The following SYT1 variants were observed in gnomAD, a reference collection of about 807,000 sequenced individuals.
SYT1 encodes synaptotagmin-1.
Under a neutral mutation model 44.8 loss-of-function variants are expected in SYT1, and 8 were observed. The observed-to-expected ratio is 0.18, with a 90% CI of 0.10 to 0.32. The LOEUF is 0.32. Among genes scored for constraint, SYT1 ranks in the 10% least tolerant of loss-of-function variants. The pLI, the probability that SYT1 is intolerant of heterozygous loss-of-function variation, is 1.00. For missense variants in SYT1, 286 were observed against 509.3 expected (o/e 0.56, Z 4.22); for synonymous variants, 154 against 188.8 (o/e 0.82, Z 1.51).
chr12:79,136,020 A>G (rs1869167655), intron 3 of SYT1, among the ~76,000 whole-genome samples: 1 of 152,212 alleles, frequency 6.6e-6, no homozygotes, highest in Non-Finnish European at 1.5e-5. Flanking sequence ...ACATTGCCTA[A>G]AAATTTCTTG....
chr12:78,969,538 C>T (rs1283076369), intron 1 of SYT1, among the ~76,000 whole-genome samples: 1 of 152,088 alleles, frequency 6.6e-6, no homozygotes, highest in Admixed American at 6.6e-5. Flanking sequence ...ATAAGGCCAG[C>T]AGAGCCATTA....
rs1220628050 is a variant in SYT1, at chr12:79,115,222, C to T, written c.-18+67860C>T. 2.6e-5 allele frequency among the ~76,000 whole-genome samples: 4 copies of T among 152,252 alleles called. No individual in the cohort carries two copies. In the East Asian group the frequency reaches 7.7e-4, roughly 29 times the overall value. On this transcript the variant is annotated intron_variant, in intron 3 of 10. Coordinates refer to ENST00000261205, the MANE Select transcript of SYT1 (RefSeq NM_005639.3). ...TCAGAAAGGAGTTTCAAAAACATGT[C>T]TAGTCCATTTTTATTACCTCTGGGC...
intron 2 of SYT1, among the ~76,000 whole-genome samples, chr12:78,986,673 A>G (rs991399711): frequency 1.3e-5 from 2 of 152,026 alleles, no homozygotes; most frequent in Non-Finnish European, 2.9e-5. Flanking sequence ...CATGTCCTGA[A>G]ACTACATATT....
intron 1 of SYT1, among the ~76,000 whole-genome samples, chr12:78,921,973 A>C (rs1877032128): frequency 7.0e-6 from 1 of 142,382 alleles, no homozygotes; most frequent in East Asian, 2.3e-4. Context: ...TATATGCTTA[A>C]ATCAAATACC....
rs190378717 is a variant in SYT1, at chr12:79,274,339, C to T, written c.167-11448C>T. ...TCTGAGCATGAACTGCCTGAGATTCCGCTGGCAGTTACAGCTTTCTTCTGC... is the reference window on the plus strand; with the variant it reads ...TCTGAGCATGAACTGCCTGAGATTCTGCTGGCAGTTACAGCTTTCTTCTGC... On this transcript the variant is annotated intron_variant, in intron 4 of 10. Transcript: ENST00000261205. Among the ~76,000 whole-genome samples, 453 of 152,250 alleles carry T rather than the reference C, an allele frequency of 3.0e-3. 3 individuals carry two copies. Among genetic ancestry groups the T allele is most frequent in the African/African-American group, 0.01 (425 of 41,554 alleles).
At chr12:79,356,519 C>A (rs1883119290) in intron 9 of SYT1, among the ~76,000 whole-genome samples, 1 of 152,132 alleles carries the variant, frequency 6.6e-6, no homozygotes, top group South Asian at 2.1e-4. Flanking sequence ...ATTAAAATAA[C>A]TTTAAGCACT....
At chr12:78,991,052 A>G (rs1467103939) in intron 2 of SYT1, among the ~76,000 whole-genome samples, 1 of 152,206 alleles carries the variant, frequency 6.6e-6, no homozygotes, top group African/African-American at 2.4e-5. Flanking sequence ...TTTTACTTCA[A>G]AACAACAGCA....
At chr12:79,240,232 T>G (rs1876422752) in intron 4 of SYT1, among the ~76,000 whole-genome samples, 1 of 152,198 alleles carries the variant, frequency 6.6e-6, no homozygotes, top group African/African-American at 2.4e-5. Context: ...AATTGTTACT[T>G]TATGAAAAGG....
Position 79,023,381 on chromosome 12 carries a change from C to A in SYT1, c.-83-23916C>A, listed in dbSNP as rs188258169. ...GGCTTTAGAGAGACCATCTGGAGAT[C>A]CTCATCTGTAACACATGACATTTCT... On this transcript the variant is annotated intron_variant, in intron 2 of 10. Coordinates refer to ENST00000261205, the MANE Select transcript of SYT1 (RefSeq NM_005639.3). Among the ~76,000 whole-genome samples, 528 of 151,876 alleles carry A rather than the reference C, an allele frequency of 3.5e-3. 1 individual carries two copies. The highest frequency in any genetic ancestry group is 8.2e-3 in the Admixed American group (124 of 15,210).
chr12:78,950,582 T>TGTG (rs1216253557), intron 1 of SYT1, among the ~76,000 whole-genome samples: 1 of 152,134 alleles, frequency 6.6e-6, no homozygotes, highest in East Asian at 1.9e-4. Context: ...TCAAAGAAGT[T>TGTG]GAAAAGTTTG....
At chr12:79,348,826 T>C (rs1207329790) in intron 8 of SYT1, among the ~76,000 whole-genome samples, 1 of 147,678 alleles carries the variant, frequency 6.8e-6, no homozygotes, top group Non-Finnish European at 1.5e-5. Flanking sequence ...AAGTATCATA[T>C]AGAGATGGTG....
At chr12:79,333,213 G>A (rs1486566029) in intron 8 of SYT1, among the ~76,000 whole-genome samples, 1 of 152,178 alleles carries the variant, frequency 6.6e-6, no homozygotes, top group East Asian at 1.9e-4. Flanking sequence ...AGAAGTCTGA[G>A]ATGAAGGTGC....
intron 3 of SYT1, among the ~76,000 whole-genome samples, chr12:79,078,866 C>T (rs961973750): frequency 8.5e-5 from 13 of 152,260 alleles, no homozygotes; most frequent in African/African-American, 2.6e-4. Flanking sequence ...ATACTGTTTG[C>T]CCCTGGATGC....
intron 4 of SYT1, among the ~76,000 whole-genome samples, chr12:79,221,784 T>A (rs1263731378): frequency 6.6e-6 from 1 of 152,182 alleles, no homozygotes; most frequent in Non-Finnish European, 1.5e-5. Flanking sequence ...TTATTATTTT[T>A]AATTGTTTTG....
At chr12:78,901,022 C>G (rs932379874) in intron 1 of SYT1, among the ~76,000 whole-genome samples, 2 of 152,012 alleles carry the variant, frequency 1.3e-5, no homozygotes, top group Admixed American at 6.6e-5. Flanking sequence ...AAATCTAAAC[C>G]ATTTATTTCA....
At chr12:78,900,170 T>C (rs1875583975) in intron 1 of SYT1, among the ~76,000 whole-genome samples, 1 of 152,074 alleles carries the variant, frequency 6.6e-6, no homozygotes, top group African/African-American at 2.4e-5. Flanking sequence ...AAAGTAGATG[T>C]TTTGGATGGA....
intron 6 of SYT1, among the ~76,000 whole-genome samples, chr12:79,294,378 T>C (rs1236470164): frequency 1.3e-5 from 2 of 152,088 alleles, no homozygotes; most frequent in Non-Finnish European, 2.9e-5. Flanking sequence ...ATTTGATTTA[T>C]AAAGTGATTC....
chr12:78,885,169 T>G (rs959112748), intron 1 of SYT1, among the ~76,000 whole-genome samples: 18 of 151,606 alleles, frequency 1.2e-4, no homozygotes, highest in African/African-American at 4.4e-4. Context: ...TAATAAGTTA[T>G]TTACCCTCAA....
At chr12:79,289,617 T>C (rs997309047) in intron 5 of SYT1, among the ~76,000 whole-genome samples, 1 of 152,196 alleles carries the variant, frequency 6.6e-6, no homozygotes, top group Admixed American at 6.5e-5. Flanking sequence ...ACATGATACA[T>C]AAATTCAGTT....
Sources: gnomAD v4.1 joint callset for allele counts (sites outside exome capture counted in the v4.1 genomes callset) on GRCh38, gnomAD v4.1.1 for gene constraint, MANE v1.5 for transcripts, NCBI Gene and HGNC (gene_info 2026-07-23, HGNC 2026-07-21) for gene names.